RRAS2: variants seen among roughly 807,000 people sequenced by gnomAD.
RRAS2 encodes the protein RAS related 2.
A neutral mutation model predicts 27.6 loss-of-function variants in RRAS2; 7 were observed. That is an observed-to-expected ratio of 0.25 (90% CI 0.14 to 0.48). RRAS2 has a LOEUF of 0.48. RRAS2 is among the 20% of genes least tolerant of loss of function. The pLI is 0.99. For missense variants in RRAS2, 178 were observed against 256.2 expected (o/e 0.69, Z 2.08); for synonymous variants, 86 against 90.9 (o/e 0.95, Z 0.31).
At chr11:14,297,057 T>C (rs1382620639) in intron 1 of RRAS2, among the ~76,000 whole-genome samples, 1 of 152,052 alleles carries the variant, frequency 6.6e-6, no homozygotes, top group African/African-American at 2.4e-5. Flanking sequence ...TTAAAAAAGA[T>C]AACAACAATA....
At position 14,341,951 on chromosome 11, in the gene RRAS2, TACA is replaced by T. The variant is rs1385837362; in HGVS notation, c.108+16809_108+16811del. 6.6e-6 allele frequency: 3 copies of T among 453,060 alleles called. No individual in the cohort carries two copies. In the East Asian group the frequency reaches 2.1e-4, roughly 32 times the overall value. The allele number at this position is 453,060 out of a possible 1,614,324, so 28.1% of individuals were successfully genotyped here. Reference sequence around the variant, plus strand: ...GGTATCTGTCATTCTCATGCATTTATACAACATTAGTAATCATATGATAGTATT... The same window carrying T: ...GGTATCTGTCATTCTCATGCATTTATACATTAGTAATCATATGATAGTATT... On this transcript the variant is annotated intron_variant, in intron 1 of 5. Transcript: ENST00000256196.
chr11:14,326,779 G>GCTATTCT lies in RRAS2; in HGVS notation c.109-30925_109-30924insAGAATAG, dbSNP rs370653743. On this transcript the variant is annotated intron_variant, in intron 1 of 5. Coordinates refer to ENST00000256196, the MANE Select transcript of RRAS2 (RefSeq NM_012250.6). ...TCAATCCTATTAAGAATATGATTTT[G>GCTATTCT]GCCGGGCGCGGTGGCTCACGCCTGT... is the stretch of plus-strand genomic sequence containing the variant. 1.6e-3 allele frequency among the ~76,000 whole-genome samples: 151 copies of GCTATTCT among 97,154 alleles called. 10 individuals are homozygous for GCTATTCT. The highest frequency in any genetic ancestry group is 2.4e-3 in the Admixed American group (22 of 8,998). 63.7% of individuals were successfully genotyped at this position (97,154 alleles called of 152,430 possible). A position where few individuals can be genotyped will look rare whatever the true frequency, so the allele number is the denominator to read the frequency against.
upstream of RRAS2, among the ~76,000 whole-genome samples, chr11:14,361,304 A>C (rs1473240137): frequency 2.0e-5 from 3 of 152,016 alleles, no homozygotes; most frequent in East Asian, 5.8e-4. Context: ...TCAAAAAAAA[A>C]AAATGTACTG....
intron 4 of RRAS2, among the ~76,000 whole-genome samples, chr11:14,290,950 GA>G (rs1849795847): frequency 6.6e-6 from 1 of 152,220 alleles, no homozygotes; most frequent in Non-Finnish European, 1.5e-5. Flanking sequence ...TGATCATGCA[GA>G]AATGTTCATC....
chr11:14,328,575 AG>A (rs1243902107), intron 1 of RRAS2, among the ~76,000 whole-genome samples: 2 of 152,188 alleles, frequency 1.3e-5, no homozygotes, highest in Non-Finnish European at 2.9e-5. Flanking sequence ...AAACACTAGA[AG>A]AAAAACAGCT....
intron 1 of RRAS2, chr11:14,341,681 T>C: frequency 3.1e-6 from 1 of 319,484 alleles, no homozygotes; most frequent in Non-Finnish European, 6.3e-6. Flanking sequence ...CATGATACCT[T>C]TAACACCAAA....
chr11:14,360,691 G>A (rs1397181357), upstream of RRAS2, among the ~76,000 whole-genome samples: 1 of 152,156 alleles, frequency 6.6e-6, no homozygotes, highest in Non-Finnish European at 1.5e-5. Flanking sequence ...GAAGGCCAAG[G>A]CGGGCGGATC....
At chr11:14,331,914 C>T (rs1273676101) in intron 1 of RRAS2, among the ~76,000 whole-genome samples, 1 of 152,044 alleles carries the variant, frequency 6.6e-6, no homozygotes, top group African/African-American at 2.4e-5. Context: ...GGAGCTATAC[C>T]AATGGCCAAT....
Position 14,335,144 on chromosome 11 carries a change from T to G in RRAS2, c.108+23619A>C, listed in dbSNP as rs1554952417. On this transcript the variant is annotated intron_variant, in intron 1 of 5. Transcript: ENST00000256196. ...GGTTTCTGTAATACCTAACATGATT[T>G]GTGTCTCTAGTTCTCCAGTGGGTTC... 3.3e-4 allele frequency among the ~76,000 whole-genome samples: 50 copies of G among 152,352 alleles called. 1 individual carries two copies. Among genetic ancestry groups the G allele is most frequent in the Non-Finnish European group, 4.4e-5 (3 of 68,032 alleles).
intron 1 of RRAS2, among the ~76,000 whole-genome samples, chr11:14,343,507 T>A (rs1554953576): frequency 6.6e-6 from 1 of 152,202 alleles, no homozygotes; most frequent in African/African-American, 2.4e-5. Flanking sequence ...TTTTTCACAT[T>A]AAGTCACTTG....
chr11:14,347,792 G>C (rs1554954223), intron 1 of RRAS2, among the ~76,000 whole-genome samples: 1 of 151,850 alleles, frequency 6.6e-6, no homozygotes, highest in Admixed American at 6.6e-5. Flanking sequence ...ACTACAGCCT[G>C]ACCTGGGCAC....
At chr11:14,289,084 G>GCA (rs782559625) in intron 4 of RRAS2, among the ~76,000 whole-genome samples, 3 of 152,076 alleles carry the variant, frequency 2.0e-5, no homozygotes, top group African/African-American at 4.8e-5. Context: ...CGCACATAAG[G>GCA]CACAGATAAC....
chr11:14,281,473 G>T, intron 5 of RRAS2, 129 bp downstream of exon 5: 1 of 578,358 alleles, frequency 1.7e-6, no homozygotes, highest in Non-Finnish European at 2.9e-6. Flanking sequence ...CCTAGAATAT[G>T]TACTTAAAAA....
intron 1 of RRAS2, among the ~76,000 whole-genome samples, chr11:14,340,266 T>G (rs1359499038): frequency 1.3e-5 from 2 of 151,768 alleles, no homozygotes; most frequent in Non-Finnish European, 2.9e-5. Context: ...CCAGCTAATT[T>G]TTTGTATTTT....
At position 14,358,814 on chromosome 11, in the gene RRAS2, C is replaced by A; in HGVS notation, c.57G>T (p.Val19=). The A allele has an allele frequency of 6.7e-7, 1 of 1,490,314 alleles. No individual in the cohort carries two copies. The highest frequency in any genetic ancestry group is 9.0e-7 in the Non-Finnish European group (1 of 1,113,832). The allele number at this position is 1,490,314 out of a possible 1,614,324, so 92.3% of individuals were successfully genotyped here. A position where few individuals can be genotyped will look rare whatever the true frequency, so the allele number is the denominator to read the frequency against. ...GSGQEKYRLV[V]VGGGGVGKSA... Reference sequence around the variant, plus strand: ...ACTTGCCCACGCCGCCCCCGCCGACCACCACGAGCCGGTACTTCTCCTGGC... The same window carrying A: ...ACTTGCCCACGCCGCCCCCGCCGACAACCACGAGCCGGTACTTCTCCTGGC... Residue 19 remains valine (V), a synonymous_variant, in exon 1 of 6, where the codon GTG becomes GTT. Transcript: ENST00000256196. This position sits in a 1 kb window ranked among gnomAD's most constrained non-coding sequence, Gnocchi z 5.1.
chr11:14,288,905 TACAAC>T (rs1262289943), intron 4 of RRAS2, among the ~76,000 whole-genome samples: 4 of 152,216 alleles, frequency 2.6e-5, no homozygotes, highest in Non-Finnish European at 4.4e-5. Flanking sequence ...ATCACATTAA[TACAAC>T]GTCTTAACTC....
At chr11:14,352,756 TAGAGAGAGAGAGAG>T (rs370730897) in intron 1 of RRAS2, among the ~76,000 whole-genome samples, 2 of 128,678 alleles carry the variant, frequency 1.6e-5, no homozygotes, top group Non-Finnish European at 3.3e-5. Flanking sequence ...TATATATATA[TAGAGAGAGAGAGAG>T]AGAGAGAGAG....
intron 4 of RRAS2, among the ~76,000 whole-genome samples, chr11:14,291,500 T>C (rs1849816171): frequency 6.6e-6 from 1 of 152,182 alleles, no homozygotes; most frequent in Non-Finnish European, 1.5e-5. Context: ...CTTGGATATA[T>C]ATACATCTAA....
intron 1 of RRAS2, among the ~76,000 whole-genome samples, chr11:14,313,813 T>C (rs2133986830): frequency 6.6e-6 from 1 of 152,264 alleles, no homozygotes; most frequent in South Asian, 2.1e-4. Flanking sequence ...GATTTTGGAG[T>C]TCTGACCTAT....
Sources: gnomAD v4.1 joint callset for allele counts (sites outside exome capture counted in the v4.1 genomes callset) on GRCh38, gnomAD v4.1.1 for gene constraint, Gnocchi (gnomAD v3.1) non-coding constraint, MANE v1.5 for transcripts, NCBI Gene and HGNC (gene_info 2026-07-23, HGNC 2026-07-21) for gene names.